LSAMP: variants seen among roughly 807,000 people sequenced by gnomAD.
LSAMP encodes the protein limbic system-associated membrane protein.
LSAMP carries 7 observed loss-of-function variants against 38.6 expected under a neutral mutation model. The ratio of observed to expected loss-of-function variants is 0.18; its 90% CI spans 0.10 to 0.34. LSAMP has a LOEUF of 0.34. Ranked by LOEUF, LSAMP falls within the 10% of genes least tolerant of loss-of-function variation. The probability of loss-of-function intolerance (pLI) is 1.00; values close to 1 mark genes in which losing one functional copy is unlikely to be tolerated. For missense variants in LSAMP, 313 were observed against 420.0 expected (o/e 0.75, Z 2.23); for synonymous variants, 154 against 166.8 (o/e 0.92, Z 0.59).
At chr3:115,892,049 G>C (rs1274582400) in intron 3 of LSAMP, among the ~76,000 whole-genome samples, 1 of 151,954 alleles carries the variant, frequency 6.6e-6, no homozygotes, top group Non-Finnish European at 1.5e-5. Flanking sequence ...ACATGTCTTA[G>C]ATTACCCAGT....
In LSAMP at chr3:116,037,014, G is replaced by T. The variant is rs574722740; in HGVS notation, c.389-17374C>A. Among the ~76,000 whole-genome samples, 5 of 152,234 alleles carry T rather than the reference G, an allele frequency of 3.3e-5. No individual in the cohort carries two copies. In the South Asian group the frequency reaches 1.0e-3, roughly 32 times the overall value. ...TTTCTTCCTCCAGCTAGAGGAGAAAGACAATACCTCAGGAATTATTTAAGG... is the reference window on the plus strand; with the variant it reads ...TTTCTTCCTCCAGCTAGAGGAGAAATACAATACCTCAGGAATTATTTAAGG... On this transcript the variant is annotated intron_variant, in intron 2 of 6. Coordinates refer to ENST00000490035, the MANE Select transcript of LSAMP (RefSeq NM_002338.5).
At chr3:116,059,530 C>T (rs916905304) in intron 2 of LSAMP, among the ~76,000 whole-genome samples, 5 of 152,078 alleles carry the variant, frequency 3.3e-5, no homozygotes, top group Admixed American at 3.3e-4. Flanking sequence ...CAACATTTTC[C>T]ACACCAAACA....
At chr3:116,419,903 A>G (rs901302244) in intron 1 of LSAMP, among the ~76,000 whole-genome samples, 10 of 152,186 alleles carry the variant, frequency 6.6e-5, no homozygotes, top group African/African-American at 2.4e-4. Flanking sequence ...CCTTTTACAA[A>G]AATAACTCTC....
chr3:116,265,594 C>A lies in LSAMP; in HGVS notation c.156-179038G>T, dbSNP rs543009697. 2.4e-4 allele frequency among the ~76,000 whole-genome samples: 36 copies of A among 152,260 alleles called. No homozygotes were observed. In the South Asian group the frequency reaches 3.7e-3, roughly 16 times the overall value. On this transcript the variant is annotated intron_variant, in intron 1 of 6. Coordinates refer to ENST00000490035, the MANE Select transcript of LSAMP (RefSeq NM_002338.5). ...ATGAAGTTGTTGGGAAGGGCAATTT[C>A]TTTCCCCAACGCCTTGTCTCACACT... is the stretch of plus-strand genomic sequence containing the variant.
intron 3 of LSAMP, among the ~76,000 whole-genome samples, chr3:115,962,646 TA>T (rs1474503763): frequency 6.6e-6 from 1 of 152,212 alleles, no homozygotes; most frequent in Non-Finnish European, 1.5e-5. Flanking sequence ...TACATATACA[TA>T]AGCTGTTTAT....
chr3:116,161,708 C>T (rs1285237172), intron 1 of LSAMP, among the ~76,000 whole-genome samples: 1 of 152,050 alleles, frequency 6.6e-6, no homozygotes, highest in Non-Finnish European at 1.5e-5. Context: ...GGGCTTAGTG[C>T]CAATAAATAT....
chr3:116,246,545 AG>A (rs1209259376), intron 1 of LSAMP, among the ~76,000 whole-genome samples: 1 of 152,172 alleles, frequency 6.6e-6, no homozygotes, highest in East Asian at 1.9e-4. Flanking sequence ...TCACAGCCCT[AG>A]TCCTAGTTTG....
intron 6 of LSAMP, 119 bp downstream of exon 6, chr3:115,841,726 G>T: frequency 1.7e-6 from 2 of 1,190,670 alleles, no homozygotes; most frequent in South Asian, 1.6e-5. Context: ...TTGTTTCAGT[G>T]CATATATCCT....
chr3:116,391,079 T>C (rs1319469631), intron 1 of LSAMP, among the ~76,000 whole-genome samples: 1 of 152,220 alleles, frequency 6.6e-6, no homozygotes, highest in Non-Finnish European at 1.5e-5. Flanking sequence ...CAGCAGGATT[T>C]TGCATCATAT....
intron 2 of LSAMP, among the ~76,000 whole-genome samples, chr3:116,079,759 T>G (rs541239063): frequency 1.1e-4 from 17 of 152,114 alleles, no homozygotes; most frequent in Middle Eastern, 3.4e-3. Flanking sequence ...CAGAAGAGTT[T>G]TGTCAAAAAA....
intron 1 of LSAMP, among the ~76,000 whole-genome samples, chr3:116,244,253 T>C: frequency 6.6e-6 from 1 of 152,344 alleles, no homozygotes; most frequent in Middle Eastern, 3.4e-3. Context: ...TACATCAGGC[T>C]CTTTCTTTGA....
At chr3:115,909,874 A>T (rs1171853992) in intron 3 of LSAMP, among the ~76,000 whole-genome samples, 2 of 150,316 alleles carry the variant, frequency 1.3e-5, no homozygotes, top group African/African-American at 4.9e-5. Context: ...GCTCCTTTAC[A>T]TAAGTTTAAA....
chr3:116,236,572 T>A (rs1262087597), intron 1 of LSAMP, among the ~76,000 whole-genome samples: 1 of 152,136 alleles, frequency 6.6e-6, no homozygotes, highest in Non-Finnish European at 1.5e-5. Flanking sequence ...GGCTTCTTTA[T>A]AGCCCCAGGC....
intron 3 of LSAMP, among the ~76,000 whole-genome samples, chr3:115,872,387 G>A (rs1301163567): frequency 1.3e-5 from 2 of 152,006 alleles, no homozygotes; most frequent in East Asian, 1.9e-4. Context: ...GCCACCCTGC[G>A]GCATCACCTG....
intron 1 of LSAMP, among the ~76,000 whole-genome samples, chr3:116,389,053 G>A (rs920517280): frequency 5.3e-5 from 8 of 152,190 alleles, no homozygotes; most frequent in African/African-American, 1.2e-4. Context: ...AGAAACCCAA[G>A]TTCTAATTGC....
intron 3 of LSAMP, among the ~76,000 whole-genome samples, chr3:115,940,271 T>A (rs1230572286): frequency 1.3e-5 from 2 of 152,144 alleles, no homozygotes; most frequent in African/African-American, 4.8e-5. Context: ...CACTGCTGGC[T>A]GGGGTGGCCA....
intron 1 of LSAMP, among the ~76,000 whole-genome samples, chr3:116,369,457 G>T (rs2107789428): frequency 6.6e-6 from 1 of 152,172 alleles, no homozygotes; most frequent in African/African-American, 2.4e-5. Flanking sequence ...TCCCACTCTG[G>T]CAGGTCTATC....
At chr3:116,277,472 A>T (rs1222572597) in intron 1 of LSAMP, among the ~76,000 whole-genome samples, 1 of 151,388 alleles carries the variant, frequency 6.6e-6, no homozygotes, top group Non-Finnish European at 1.5e-5. Context: ...AGGTGCACGC[A>T]ATTTCTCCTG....
At chr3:116,273,763 A>T (rs545211731) in intron 1 of LSAMP, among the ~76,000 whole-genome samples, 3 of 135,946 alleles carry the variant, frequency 2.2e-5, no homozygotes, top group Non-Finnish European at 3.1e-5. Flanking sequence ...TAAAATTTTT[A>T]TTTTGAATTA....
Sources: gnomAD v4.1 joint callset for allele counts (sites outside exome capture counted in the v4.1 genomes callset) on GRCh38, gnomAD v4.1.1 for gene constraint, MANE v1.5 for transcripts, NCBI Gene and HGNC (gene_info 2026-07-23, HGNC 2026-07-21) for gene names.